The following SLC12A2 variants were observed in gnomAD, a reference collection of about 807,000 sequenced individuals.
The protein encoded by SLC12A2 is solute carrier family 12 member 2.
A neutral mutation model predicts 136.3 loss-of-function variants in SLC12A2; 67 were observed. The observed-to-expected ratio is 0.49, with a 90% CI of 0.40 to 0.60. The LOEUF is 0.60. SLC12A2 is among the 20% of genes least tolerant of loss of function. The pLI is 0.00. For missense variants in SLC12A2, 1,322 were observed against 1,534.7 expected, an observed-to-expected ratio of 0.86 and a Z score of 2.32; for synonymous variants, 619 against 562.9, an observed-to-expected ratio of 1.10 and a Z score of -1.41.
intron 5 of SLC12A2, 47 bp downstream of exon 5, chr5:128,131,253 G>C: frequency 6.4e-7 from 1 of 1,571,552 alleles, no homozygotes; most frequent in Non-Finnish European, 8.8e-7. Context: ...TCTTTATTGA[G>C]GGATTATATG....
chr5:128,142,733 A>G (rs1470849649), intron 10 of SLC12A2, among the ~76,000 whole-genome samples: 2 of 152,116 alleles, frequency 1.3e-5, no homozygotes, highest in African/African-American at 4.8e-5. Context: ...ATAAGTTTTG[A>G]GGTCAGGTAG....
chr5:128,180,395 T>C (rs1763672643), intron 22 of SLC12A2, among the ~76,000 whole-genome samples: 1 of 152,166 alleles, frequency 6.6e-6, no homozygotes, highest in African/African-American at 2.4e-5. Flanking sequence ...TACTGAATCA[T>C]AGTGTTTAGA....
intron 11 of SLC12A2, 44 bp downstream of exon 11, chr5:128,147,773 A>C (rs1762576587): frequency 8.7e-7 from 1 of 1,148,418 alleles, no homozygotes; most frequent in Non-Finnish European, 1.3e-6. Context: ...GGAGAGTTAA[A>C]GTAATACTTC....
Position 128,148,858 on chromosome 5 carries a change from A to C in SLC12A2, c.1986A>C (p.Ala662=). 2 of 1,600,732 alleles carry C rather than the reference A, an allele frequency of 1.2e-6. No homozygotes were observed. Among genetic ancestry groups the C allele is most frequent in the Non-Finnish European group, 1.7e-6 (2 of 1,174,892 alleles). Residue 662 remains alanine, a synonymous_variant, in exon 12 of 27, where the codon GCA becomes GCC. Transcript: ENST00000262461. ...GCTACATCTTAACATTCTTAATTGCACTTGGATTCATCTTAATTGGTTAGT... is the reference window on the plus strand; with the variant it reads ...GCTACATCTTAACATTCTTAATTGCCCTTGGATTCATCTTAATTGGTTAGT... ...LRGYILTFLI[A]LGFILIAELN...
chr5:128,147,523 C>T (rs896966594), intron 10 of SLC12A2, 99 bp from the exon 11 acceptor site: 28 of 682,728 alleles, frequency 4.1e-5, no homozygotes, highest in Non-Finnish European at 6.5e-5. Flanking sequence ...AAAATGATCC[C>T]TAGTGTTAAC....
intron 5 of SLC12A2, among the ~76,000 whole-genome samples, chr5:128,131,550 A>AG (rs1420400285): frequency 4.6e-4 from 69 of 150,036 alleles, no homozygotes; most frequent in South Asian, 2.5e-3. Flanking sequence ...AAAAAAAAAA[A>AG]AAAATCAGCT....
chr5:128,131,220 C>T lies in SLC12A2; in HGVS notation c.1188+14C>T, dbSNP rs545776095. ...GAGTTGCTTAAGGTAATTCACCTTC[C>T]TTCTAGTCATTCGTTTACCAAATCT... On this transcript the variant is annotated intron_variant, in intron 5 of 26. Coordinates refer to ENST00000262461, the MANE Select transcript of SLC12A2 (RefSeq NM_001046.3). The T allele has an allele frequency of 4.8e-5, 77 of 1,613,048 alleles. No individual in the cohort carries two copies. The highest frequency in any genetic ancestry group is 8.3e-5 in the Admixed American group (5 of 59,996).
chr5:128,150,967 A>AT (rs759262744), intron 13 of SLC12A2, among the ~76,000 whole-genome samples: 1,526 of 149,390 alleles, frequency 0.01, 24 homozygotes, highest in African/African-American at 0.03. Context: ...AGGTAGGTTG[A>AT]TTTTTTTTTT....
intron 18 of SLC12A2, chr5:128,168,156 T>A (rs2126741854): frequency 5.3e-6 from 1 of 189,532 alleles, no homozygotes; most frequent in South Asian, 1.7e-4. Context: ...TTTAAGTTTG[T>A]AAACTTTTTC....
At chr5:128,094,323 T>C (rs1397218320) in intron 1 of SLC12A2, among the ~76,000 whole-genome samples, 1 of 151,698 alleles carries the variant, frequency 6.6e-6, no homozygotes, top group Non-Finnish European at 1.5e-5. Flanking sequence ...GAATCTTACC[T>C]ACCTTATATC....
intron 1 of SLC12A2, among the ~76,000 whole-genome samples, chr5:128,093,730 T>G (rs1760421096): frequency 6.6e-6 from 1 of 152,168 alleles, no homozygotes; most frequent in South Asian, 2.1e-4. Context: ...ATTGCATTTT[T>G]TGACATTGAA....
intron 5 of SLC12A2, among the ~76,000 whole-genome samples, 161 bp downstream of exon 5, chr5:128,131,367 A>C (rs1272817629): frequency 6.6e-6 from 1 of 152,202 alleles, no homozygotes; most frequent in Non-Finnish European, 1.5e-5. Flanking sequence ...AAATACTATT[A>C]GAATGTCAGC....
intron 24 of SLC12A2, 47 bp downstream of exon 24, chr5:128,182,988 A>G: frequency 8.9e-7 from 1 of 1,128,362 alleles, no homozygotes. Context: ...TGGCCTACTC[A>G]GACACAGATT....
chr5:128,117,940 T>C (rs1761410385), intron 4 of SLC12A2, among the ~76,000 whole-genome samples: 2 of 152,108 alleles, frequency 1.3e-5, no homozygotes, highest in South Asian at 4.1e-4. Flanking sequence ...AAGATGTACA[T>C]ATGGCCAAGA....
chr5:128,118,543 A>G (rs2126677904), intron 4 of SLC12A2, among the ~76,000 whole-genome samples: 1 of 152,256 alleles, frequency 6.6e-6, no homozygotes, highest in Admixed American at 6.5e-5. Context: ...CATAAGAATG[A>G]TATAATAGAC....
At chr5:128,135,431 C>G (rs907195173) in intron 6 of SLC12A2, among the ~76,000 whole-genome samples, 1 of 152,014 alleles carries the variant, frequency 6.6e-6, no homozygotes, top group African/African-American at 2.4e-5. Flanking sequence ...TGTGGGAAGG[C>G]ATGCACATCT....
intron 10 of SLC12A2, among the ~76,000 whole-genome samples, chr5:128,143,573 T>G (rs974799831): frequency 2.0e-5 from 3 of 152,070 alleles, no homozygotes; most frequent in Non-Finnish European, 4.4e-5. Flanking sequence ...GAAAAAAGAT[T>G]ATATAAGGGG....
chr5:128,179,999 T>G (rs1418155272), intron 22 of SLC12A2, among the ~76,000 whole-genome samples: 10 of 120,790 alleles, frequency 8.3e-5, no homozygotes, highest in African/African-American at 3.5e-4. Flanking sequence ...CGACTGAGTC[T>G]TTTTCTGCCA....
intron 22 of SLC12A2, among the ~76,000 whole-genome samples, chr5:128,180,028 G>T (rs1300777817): frequency 3.2e-5 from 4 of 125,378 alleles, no homozygotes. Context: ...GGAGTACAGT[G>T]GCGCAATCTC....
Sources: gnomAD v4.1 joint callset for allele counts (sites outside exome capture counted in the v4.1 genomes callset) on GRCh38, gnomAD v4.1.1 for gene constraint, MANE v1.5 for transcripts, NCBI Gene and HGNC (gene_info 2026-07-23, HGNC 2026-07-21) for gene names.